Variants in CORO2A observed in about 807,000 individuals in gnomAD.
CORO2A encodes coronin-2A.
In CORO2A, 47 loss-of-function variants were observed where a neutral mutation model predicts 62.4. The observed-to-expected ratio is 0.75, with a 90% CI of 0.60 to 0.96. The LOEUF (loss-of-function observed/expected upper bound fraction) is 0.96. Among genes scored for constraint, CORO2A ranks in the 40% least tolerant of loss-of-function variants. The probability of loss-of-function intolerance (pLI) is 0.00; values close to 1 mark genes in which losing one functional copy is unlikely to be tolerated. For missense variants in CORO2A, 610 were observed against 684.1 expected, an observed-to-expected ratio of 0.89 and a Z score of 1.21; for synonymous variants, 273 against 268.9, an observed-to-expected ratio of 1.02 and a Z score of -0.15.
chr9:98,122,330 G>A lies in CORO2A; in HGVS notation c.*2444C>T, dbSNP rs1295305956. On this transcript the variant is annotated 3_prime_UTR_variant, in exon 12 of 12. Transcript: ENST00000375077. ...TTCAGCTTCAGTTGGTCTGGAATGT[G>A]GCATGGGCATCTGTATTTCCTGCAC... is the stretch of plus-strand genomic sequence containing the variant. 6.6e-6 allele frequency: 1 copy of A among 152,230 alleles called. No homozygotes were observed. The highest frequency in any genetic ancestry group is 1.9e-4 in the East Asian group (1 of 5,208). 9.4% of individuals were successfully genotyped at this position (152,230 alleles called of 1,614,324 possible).
intron 2 of CORO2A, among the ~76,000 whole-genome samples, chr9:98,144,661 A>T (rs913466821): frequency 2.6e-5 from 4 of 152,150 alleles, no homozygotes; most frequent in Non-Finnish European, 4.4e-5. Flanking sequence ...GAGGAGGAGG[A>T]CTTTAAATTG....
chr9:98,171,128 G>A (rs976693476), intron 1 of CORO2A, among the ~76,000 whole-genome samples: 3 of 152,214 alleles, frequency 2.0e-5, no homozygotes, highest in Admixed American at 1.3e-4. Flanking sequence ...CCAGGAGGCT[G>A]AAAATCTGGC....
At chr9:98,141,499 C>T (rs1172497466) in intron 2 of CORO2A, among the ~76,000 whole-genome samples, 6 of 152,076 alleles carry the variant, frequency 3.9e-5, no homozygotes, top group South Asian at 2.1e-4. Flanking sequence ...ATTACAGGTG[C>T]GTGCCACCAC....
chr9:98,130,907 G>T, intron 7 of CORO2A, 48 bp downstream of exon 7: 1 of 1,484,882 alleles, frequency 6.7e-7, no homozygotes, highest in East Asian at 2.3e-5. Flanking sequence ...GCTGTCTGCC[G>T]CTGTCTCAGG....
At chr9:98,131,885 G>T (rs116260521) in intron 6 of CORO2A, among the ~76,000 whole-genome samples, 1,792 of 152,064 alleles carry the variant, frequency 0.012, 35 homozygotes, top group African/African-American at 0.041. Flanking sequence ...CAGCCCAGAT[G>T]GCCCTCTCCT....
intron 11 of CORO2A, among the ~76,000 whole-genome samples, chr9:98,126,255 T>G (rs1326763328): frequency 1.6e-4 from 24 of 150,608 alleles, no homozygotes; most frequent in Admixed American, 1.6e-3. Flanking sequence ...ATGCTGGTCT[T>G]GAACTCCTGA....
intron 1 of CORO2A, among the ~76,000 whole-genome samples, chr9:98,175,541 C>T (rs962058070): frequency 1.3e-5 from 2 of 152,240 alleles, no homozygotes; most frequent in African/African-American, 2.4e-5. Context: ...AAGCCCCTCT[C>T]TGGGCTCCAG....
chr9:98,177,457 G>GTTTT (rs1174402008), intron 1 of CORO2A, among the ~76,000 whole-genome samples: 1,354 of 98,288 alleles, frequency 0.014, 140 homozygotes, highest in African/African-American at 0.054. Flanking sequence ...TCCAAACTTT[G>GTTTT]TTTTTTTTTT....
chr9:98,151,016 C>G (rs576083698), intron 2 of CORO2A, among the ~76,000 whole-genome samples: 21 of 152,332 alleles, frequency 1.4e-4, no homozygotes, highest in Middle Eastern at 3.4e-3. Flanking sequence ...GACAGCTGCT[C>G]TCTGCATTGC....
intron 11 of CORO2A, 88 bp from the exon 12 acceptor site, chr9:98,124,993 G>T: frequency 6.8e-7 from 1 of 1,469,774 alleles, no homozygotes; most frequent in Non-Finnish European, 9.2e-7. Flanking sequence ...GACTCAGAAA[G>T]GTGGAGGCGG....
At chr9:98,130,433 C>G (rs1412999084) in intron 7 of CORO2A, among the ~76,000 whole-genome samples, 1 of 152,160 alleles carries the variant, frequency 6.6e-6, no homozygotes, top group African/African-American at 2.4e-5. Context: ...TGACCCAAAG[C>G]CCACCCTTTT....
chr9:98,132,622 A>G (rs1053776254), intron 5 of CORO2A, among the ~76,000 whole-genome samples: 1 of 152,206 alleles, frequency 6.6e-6, no homozygotes, highest in Non-Finnish European at 1.5e-5. Flanking sequence ...GTCTTATCTA[A>G]TCCTTGGAGA....
chr9:98,126,507 C>T (rs763453183), intron 11 of CORO2A, 42 bp downstream of exon 11: 1 of 1,592,330 alleles, frequency 6.3e-7, no homozygotes, highest in Non-Finnish European at 8.6e-7. Context: ...CCCTCCACCC[C>T]AGCTGCCCCA....
At chr9:98,183,478 C>A (rs1415283071) in intron 1 of CORO2A, among the ~76,000 whole-genome samples, 1 of 152,178 alleles carries the variant, frequency 6.6e-6, no homozygotes, top group Admixed American at 6.5e-5. Flanking sequence ...ATCCCTGCAG[C>A]CTGCTGATGT....
rs1304415218 is a variant in CORO2A at position 98,156,233 on chromosome 9, T to C, written c.201+1227A>G. 2.6e-5 allele frequency among the ~76,000 whole-genome samples: 4 copies of C among 152,078 alleles called. No homozygotes were observed. In the East Asian group the frequency reaches 7.7e-4, roughly 29 times the overall value. On this transcript the variant is annotated intron_variant, in intron 2 of 11. Coordinates refer to ENST00000375077, the MANE Select transcript of CORO2A (RefSeq NM_052820.4). ...TTTTGTATTTTTTGTACAGATGGGG[T>C]TTCACCATGTTGCCCAGGCTGGTCT... is the stretch of plus-strand genomic sequence containing the variant.
At chr9:98,154,327 G>GTGTGTATATATATATATATATA (rs1827770855) in intron 2 of CORO2A, among the ~76,000 whole-genome samples, 1 of 93,270 alleles carries the variant, frequency 1.1e-5, no homozygotes, top group Non-Finnish European at 2.2e-5. Flanking sequence ...ATGTGTTTGT[G>GTGTGTATATATATATATATATA]TGTATATATA....
At chr9:98,163,082 G>A (rs1298998727) in intron 1 of CORO2A, among the ~76,000 whole-genome samples, 1 of 152,282 alleles carries the variant, frequency 6.6e-6, no homozygotes, top group African/African-American at 2.4e-5. Flanking sequence ...GTGATCCCAT[G>A]CAGGCTTGGT....
intron 2 of CORO2A, 59 bp from the exon 3 acceptor site, chr9:98,137,747 C>T: frequency 8.0e-7 from 1 of 1,251,086 alleles, no homozygotes; most frequent in South Asian, 1.2e-5. Context: ...AGCATCTGGA[C>T]AGTCACATAG....
intron 2 of CORO2A, among the ~76,000 whole-genome samples, chr9:98,156,038 T>C (rs1827798336): frequency 7.1e-6 from 1 of 140,520 alleles, no homozygotes; most frequent in Non-Finnish European, 1.5e-5. Flanking sequence ...ATTCTGCTGC[T>C]CTTTGTTTGA....
Sources: allele counts gnomAD v4.1 joint callset (sites outside exome capture counted in the v4.1 genomes callset), GRCh38; gene constraint gnomAD v4.1.1; transcripts MANE v1.5; gene names NCBI Gene and HGNC (gene_info 2026-07-23, HGNC 2026-07-21).